Variants in AOX1 observed in about 807,000 individuals in gnomAD.
AOX1 encodes aldehyde oxidase.
Under a neutral mutation model 169.5 loss-of-function variants are expected in AOX1, and 153 were observed. The ratio of observed to expected loss-of-function variants is 0.90; its 90% CI spans 0.79 to 1.03. AOX1 has a LOEUF of 1.03. Ranked by LOEUF, AOX1 falls within the 50% of genes least tolerant of loss-of-function variation. The pLI, the probability that AOX1 is intolerant of heterozygous loss-of-function variation, is 0.00. For synonymous variants in AOX1, 562 were observed against 581.9 expected (o/e 0.97, Z 0.49); for missense variants, 1,656 against 1,663.9 (o/e 1.00, Z 0.08).
intron 8 of AOX1, 21 bp downstream of exon 8, chr2:200,604,118 C>T (rs753765495): frequency 1.3e-6 from 2 of 1,540,858 alleles, no homozygotes; most frequent in South Asian, 2.2e-5. Flanking sequence ...CAATGTTGAG[C>T]TCATCCTAGA....
At chr2:200,661,449 A>G in intron 29 of AOX1, 130 bp from the exon 30 acceptor site, 1 of 723,358 alleles carries the variant, frequency 1.4e-6, no homozygotes. Flanking sequence ...GGAATGGATT[A>G]ATCTGGGTCC....
intron 19 of AOX1, among the ~76,000 whole-genome samples, chr2:200,626,953 C>T (rs1241970956): frequency 6.6e-6 from 1 of 152,152 alleles, no homozygotes. Context: ...ACAGTCAAAG[C>T]TGGTAAGTGG....
chr2:200,594,848 A>G (rs190511659), intron 2 of AOX1, among the ~76,000 whole-genome samples: 1 of 152,360 alleles, frequency 6.6e-6, no homozygotes, highest in Non-Finnish European at 1.5e-5. Context: ...GCAGAGAAAT[A>G]CACAAACATG....
chr2:200,602,422 G>T, intron 6 of AOX1, 77 bp downstream of exon 6: 1 of 1,301,514 alleles, frequency 7.7e-7, no homozygotes, highest in South Asian at 1.2e-5. Flanking sequence ...GTGATTAGGG[G>T]GGCAGCCATC....
intron 3 of AOX1, 112 bp downstream of exon 3, chr2:200,595,480 CA>C: frequency 1.5e-6 from 1 of 650,922 alleles, no homozygotes; most frequent in Admixed American, 3.0e-5. Context: ...AAGAACTGGC[CA>C]CTTGGCGTAC....
intron 12 of AOX1, among the ~76,000 whole-genome samples, chr2:200,611,147 G>A (rs907664895): frequency 6.6e-6 from 1 of 152,136 alleles, no homozygotes; most frequent in African/African-American, 2.4e-5. Flanking sequence ...GAACCACCAC[G>A]CCCAGTCGAT....
chr2:200,621,577 T>C (rs2034887041), intron 18 of AOX1, among the ~76,000 whole-genome samples: 1 of 152,104 alleles, frequency 6.6e-6, no homozygotes, highest in Non-Finnish European at 1.5e-5. Context: ...GCCCTTATTA[T>C]TGTCCCAGTC....
At chr2:200,603,158 A>T in intron 6 of AOX1, 109 bp from the exon 7 acceptor site, 1 of 839,906 alleles carries the variant, frequency 1.2e-6, no homozygotes. Context: ...CTTTCATGGC[A>T]TCTAACGATA....
Position 200,641,165 on chromosome 2 carries a change from C to T in AOX1, c.2636C>T (p.Ser879Phe), listed in dbSNP as rs1224169281. The T allele has an allele frequency of 2.5e-6, 4 of 1,611,726 alleles. No individual in the cohort carries two copies. The highest frequency in any genetic ancestry group is 1.3e-5 in the African/African-American group (1 of 74,866). Residue 879 changes from serine (S) to phenylalanine (F), a missense_variant, in exon 24 of 35, where the codon TCC (serine) becomes TTC (phenylalanine). Coordinates refer to ENST00000374700, the MANE Select transcript of AOX1 (RefSeq NM_001159.4). ...DMEHYSNAGA[S>F]LDESLFVIEM... ...GAGCATTACAGCAATGCAGGCGCCTCCTTGGATGAATCATTATTCGTAAGT... is the reference window on the plus strand; with the variant it reads ...GAGCATTACAGCAATGCAGGCGCCTTCTTGGATGAATCATTATTCGTAAGT...
chr2:200,595,281 C>T lies in AOX1; in HGVS notation c.113C>T (p.Thr38Ile). Reference protein sequence around the residue: ...LPYLRKKLRLTGTKYGCGGGG... With the variant: ...LPYLRKKLRLIGTKYGCGGGG... ...ACTATACCTCTTCCAGTTCGACTCA[C>T]AGGAACTAAGTATGGCTGTGGAGGA... is the stretch of plus-strand genomic sequence containing the variant. Residue 38 changes from threonine to isoleucine, a missense_variant, in exon 3 of 35, where the codon ACA becomes ATA. Coordinates refer to ENST00000374700, the MANE Select transcript of AOX1 (RefSeq NM_001159.4). 3 of 1,612,580 alleles carry T rather than the reference C, an allele frequency of 1.9e-6. No homozygotes were observed. Among genetic ancestry groups the T allele is most frequent in the Non-Finnish European group, 2.5e-6 (3 of 1,179,044 alleles).
chr2:200,621,022 T>C lies in AOX1; in HGVS notation c.1875-98T>C, dbSNP rs1048571808. On this transcript the variant is annotated intron_variant, in intron 17 of 34. Transcript: ENST00000374700. Reference sequence around the variant, plus strand: ...TTTCCCAATTGTCTGGCAGAGACTGTTGGACAGTTCTTACCTCTCTCATAT... The same window carrying C: ...TTTCCCAATTGTCTGGCAGAGACTGCTGGACAGTTCTTACCTCTCTCATAT... 13 of 1,438,484 alleles carry C rather than the reference T, an allele frequency of 9.0e-6. No individual in the cohort carries two copies. The East Asian group carries it at 2.1e-4, about 23-fold the overall frequency. The allele number at this position is 1,438,484 out of a possible 1,614,324, so 89.1% of individuals were successfully genotyped here. A position where few individuals can be genotyped will look rare whatever the true frequency, so the allele number is the denominator to read the frequency against.
At chr2:200,627,606 C>T (rs1417505093) in intron 20 of AOX1, among the ~76,000 whole-genome samples, 157 bp downstream of exon 20, 2 of 152,032 alleles carry the variant, frequency 1.3e-5, no homozygotes, top group African/African-American at 2.4e-5. Context: ...TGTTTCCCTC[C>T]GTCTCTGGGG....
chr2:200,651,588 G>T (rs752440073), intron 26 of AOX1, among the ~76,000 whole-genome samples: 2 of 152,062 alleles, frequency 1.3e-5, no homozygotes, highest in African/African-American at 4.8e-5. Context: ...ATTCGGTGTC[G>T]CTGGACCATG....
rs1001116255 is a variant in AOX1, at chr2:200,651,262, T to C, written c.3075+61T>C. On this transcript the variant is annotated intron_variant, in intron 26 of 34. Coordinates refer to ENST00000374700, the MANE Select transcript of AOX1 (RefSeq NM_001159.4). ...GAAGCAGCCCTGACAAAGCAAGAGG[T>C]GTTGAGGAAACTTCTCCTTAAGTCA... 4.5e-5 allele frequency: 67 copies of C among 1,474,810 alleles called. 2 individuals carry two copies. Among genetic ancestry groups the C allele is most frequent in the Admixed American group, 1.7e-5 (1 of 57,824 alleles). The allele number at this position is 1,474,810 out of a possible 1,614,324, so 91.4% of individuals were successfully genotyped here.
chr2:200,612,048 T>C (rs1043883765), intron 13 of AOX1, among the ~76,000 whole-genome samples: 2 of 152,152 alleles, frequency 1.3e-5, no homozygotes, highest in African/African-American at 4.8e-5. Context: ...CCCCAAGCTC[T>C]AAAGTAACTT....
chr2:200,659,961 A>T lies in AOX1; in HGVS notation c.3301-34A>T, dbSNP rs748020285. On this transcript the variant is annotated intron_variant, in intron 28 of 34. Coordinates refer to ENST00000374700, the MANE Select transcript of AOX1 (RefSeq NM_001159.4). ...TTGAATTTGGTGTTTGCATGAAATT[A>T]GGAGCATAATTTTAATTTAAAAATA... 3.3e-6 allele frequency: 5 copies of T among 1,524,760 alleles called. No homozygotes were observed. In the Admixed American group the frequency reaches 5.1e-5, roughly 16 times the overall value. The allele number at this position is 1,524,760 out of a possible 1,614,324, so 94.5% of individuals were successfully genotyped here.
rs1243362836 is a variant in AOX1 at position 200,623,722 on chromosome 2, C to T, written c.2002-139C>T. 3.8e-6 allele frequency: 5 copies of T among 1,314,530 alleles called. No homozygotes were observed. The African/African-American group carries it at 5.9e-5, about 15-fold the overall frequency. The allele number at this position is 1,314,530 out of a possible 1,614,324, so 81.4% of individuals were successfully genotyped here. ...GGCCAGCTGTGGTTATAGTCATGGA[C>T]AGATGTGGAGGGGTCACACCTGTGT... On this transcript the variant is annotated intron_variant, in intron 18 of 34. Transcript: ENST00000374700.
rs772321076 is a variant in AOX1 at position 200,659,965 on chromosome 2, G to T, written c.3301-30G>T. ...ATTTGGTGTTTGCATGAAATTAGGA[G>T]CATAATTTTAATTTAAAAATAATCT... On this transcript the variant is annotated intron_variant, in intron 28 of 34. Coordinates refer to ENST00000374700, the MANE Select transcript of AOX1 (RefSeq NM_001159.4). The T allele has an allele frequency of 5.8e-6, 9 of 1,544,702 alleles. No homozygotes were observed. In the South Asian group the frequency reaches 9.0e-5, roughly 15 times the overall value.
intron 12 of AOX1, 130 bp from the exon 13 acceptor site, chr2:200,611,254 G>A: frequency 5.8e-6 from 4 of 690,350 alleles, no homozygotes; most frequent in Non-Finnish European, 1.0e-5. Flanking sequence ...GATTTGCGAA[G>A]CATAGGAAGA....
Sources: allele counts gnomAD v4.1 joint callset (sites outside exome capture counted in the v4.1 genomes callset), GRCh38; gene constraint gnomAD v4.1.1; transcripts MANE v1.5; gene names NCBI Gene and HGNC (gene_info 2026-07-23, HGNC 2026-07-21).